TVP23A: variants seen among roughly 807,000 people sequenced by gnomAD.
TVP23A encodes Golgi apparatus membrane protein TVP23 homolog A.
Under a neutral mutation model 31.7 loss-of-function variants are expected in TVP23A, and 21 were observed. The ratio of observed to expected loss-of-function variants is 0.66; its 90% CI spans 0.47 to 0.95. The LOEUF is 0.95. TVP23A is among the 40% of genes least tolerant of loss of function. The pLI is 0.00. For synonymous variants in TVP23A, 104 were observed against 96.0 expected (o/e 1.08, Z -0.49); for missense variants, 279 against 255.6 (o/e 1.09, Z -0.62).
In TVP23A at chr16:10,768,108, GGACA is replaced by G; in HGVS notation, c.*990_*993del. 2 of 1,395,806 alleles carry G rather than the reference GGACA, an allele frequency of 1.4e-6. No homozygotes were observed. Among genetic ancestry groups the G allele is most frequent in the Non-Finnish European group, 2.0e-6 (2 of 989,880 alleles). 86.5% of individuals were successfully genotyped at this position (1,395,806 alleles called of 1,614,324 possible). ...ACATAAAGGAGCCAGGGGTGTGGAA[GGACA>G]GGTGGGTGGTGGGGTCTGTGATGAC... On this transcript the variant is annotated 3_prime_UTR_variant, in exon 8 of 8. Transcript: ENST00000299866. This position sits in a 1 kb window ranked among gnomAD's most constrained non-coding sequence, Gnocchi z 4.3.
chr16:10,818,105 G>C lies in TVP23A; in HGVS notation c.87C>G (p.Ile29Met). The C allele has an allele frequency of 1.2e-6, 2 of 1,607,422 alleles. No individual in the cohort carries two copies. Among genetic ancestry groups the C allele is most frequent in the Non-Finnish European group, 1.7e-6 (2 of 1,177,092 alleles). Residue 29 changes from isoleucine (I) to methionine (M), a missense_variant and splice_region_variant, in exon 2 of 8, where the codon ATC (isoleucine) becomes ATG (methionine). Coordinates refer to ENST00000299866, the MANE Select transcript of TVP23A (RefSeq NM_001079512.4). The surrounding 1 kb of genome is among the most constrained non-coding windows in gnomAD (Gnocchi z 4.7). ...EEELAFRKAK[I>M]RHPLATFFHL... is the part of the protein sequence containing the mutation. ...ACCCAAGCTCCATCCCAACACACCTGATCTTGGCTTTCCTAAAGGCCAGCT... is the reference window on the plus strand; with the variant it reads ...ACCCAAGCTCCATCCCAACACACCTCATCTTGGCTTTCCTAAAGGCCAGCT...
intron 2 of TVP23A, among the ~76,000 whole-genome samples, chr16:10,814,041 A>T (rs2034324087): frequency 6.8e-6 from 1 of 147,400 alleles, no homozygotes; most frequent in Admixed American, 6.9e-5. Context: ...TTCCCTTTCT[A>T]CACTGCAATC....
At chr16:10,764,085 C>G (rs144534388), downstream of TVP23A, among the ~76,000 whole-genome samples, 1,147 of 152,208 alleles carry the variant, frequency 7.5e-3, 7 homozygotes, top group Middle Eastern at 0.027. Context: ...CATCCCAGCC[C>G]AAGGGAGTAT....
intron 2 of TVP23A, among the ~76,000 whole-genome samples, chr16:10,792,595 G>A (rs1346541386): frequency 1.3e-5 from 2 of 152,232 alleles, no homozygotes; most frequent in Admixed American, 6.5e-5. Flanking sequence ...CAGCAACAAA[G>A]CAGAAAGGAC....
chr16:10,767,235 C>G lies in TVP23A; in HGVS notation c.*1867G>C, dbSNP rs553147345. 25 of 399,950 alleles carry G rather than the reference C, an allele frequency of 6.3e-5. No homozygotes were observed. Among genetic ancestry groups the G allele is most frequent in the African/African-American group, 4.9e-4 (24 of 48,772 alleles). 24.8% of individuals were successfully genotyped at this position (399,950 alleles called of 1,614,324 possible). On this transcript the variant is annotated 3_prime_UTR_variant, in exon 8 of 8. Transcript: ENST00000299866. The surrounding 1 kb of genome is among the most constrained non-coding windows in gnomAD (Gnocchi z 4.6). ...AGGGCAGACTGGAGGCGAGAACACC[C>G]CCATTGACCCCTAGCCCCTTGTGTC...
At chr16:10,760,509 G>T (rs1900872232), downstream of TVP23A, among the ~76,000 whole-genome samples, 2 of 152,236 alleles carry the variant, frequency 1.3e-5, no homozygotes, top group South Asian at 4.1e-4. Flanking sequence ...ACTCTGGGAG[G>T]CCGAGGCAGG....
At chr16:10,776,018 G>A (rs774547284) in intron 2 of TVP23A, among the ~76,000 whole-genome samples, 1 of 150,652 alleles carries the variant, frequency 6.6e-6, no homozygotes, top group Admixed American at 6.6e-5. Flanking sequence ...CAAAGTGCTG[G>A]GATTACAGGC....
rs912221954 is a variant in TVP23A at position 10,766,676 on chromosome 16, A to AAAGG, written c.*2422_*2425dup. 6.1e-6 allele frequency: 2 copies of AAAGG among 329,204 alleles called. No homozygotes were observed. Among genetic ancestry groups the AAAGG allele is most frequent in the African/African-American group, 2.1e-5 (1 of 46,720 alleles). 20.4% of individuals were successfully genotyped at this position (329,204 alleles called of 1,614,324 possible). A position where few individuals can be genotyped will look rare whatever the true frequency, so the allele number is the denominator to read the frequency against. On this transcript the variant is annotated 3_prime_UTR_variant, in exon 8 of 8. Coordinates refer to ENST00000299866, the MANE Select transcript of TVP23A (RefSeq NM_001079512.4). The surrounding 1 kb of genome is among the most constrained non-coding windows in gnomAD (Gnocchi z 4.8). ...AAAAAATTGGACAAAACGCACAAAGAAAGGAAGGAAGGAAGGGATTTATTG... is the reference window on the plus strand; with the variant it reads ...AAAAAATTGGACAAAACGCACAAAGAAAGGAAGGAAGGAAGGAAGGGATTTATTG...
intron 2 of TVP23A, among the ~76,000 whole-genome samples, chr16:10,788,230 G>A (rs991588481): frequency 2.0e-5 from 3 of 152,048 alleles, no homozygotes; most frequent in African/African-American, 7.2e-5. Context: ...CTGGAATCAA[G>A]AGAAAGGAGT....
chr16:10,804,296 ACT>A (rs2033843375), intron 2 of TVP23A, among the ~76,000 whole-genome samples: 1 of 152,092 alleles, frequency 6.6e-6, no homozygotes, highest in Admixed American at 6.6e-5. Context: ...TTTTCTCACC[ACT>A]GTTTTCAGGG....
Position 10,818,318 on chromosome 16 carries a change from C to T in TVP23A, c.10-136G>A. 1.5e-6 allele frequency: 2 copies of T among 1,341,112 alleles called. 1 individual carries two copies. Among genetic ancestry groups the T allele is most frequent in the South Asian group, 2.6e-5 (2 of 76,696 alleles). 83.1% of individuals were successfully genotyped at this position (1,341,112 alleles called of 1,614,324 possible). ...GTGGACCCTCCGAGCTGGCGGGGCC[C>T]CTCCGCTGCGGCTGCAGTGCAAAGC... is the stretch of plus-strand genomic sequence containing the variant. On this transcript the variant is annotated intron_variant, in intron 1 of 7. Transcript: ENST00000299866. The surrounding 1 kb of genome is among the most constrained non-coding windows in gnomAD (Gnocchi z 4.7).
chr16:10,792,344 C>A (rs987278080), intron 2 of TVP23A, among the ~76,000 whole-genome samples: 17 of 152,146 alleles, frequency 1.1e-4, no homozygotes, highest in Non-Finnish European at 7.3e-5. Flanking sequence ...GTTCAAGGAA[C>A]CCCCAGGTGC....
At chr16:10,803,760 T>TG (rs1312734339) in intron 2 of TVP23A, among the ~76,000 whole-genome samples, 3 of 152,070 alleles carry the variant, frequency 2.0e-5, no homozygotes, top group Admixed American at 2.0e-4. Context: ...CCATCAGGGC[T>TG]GGGTAGACAT....
chr16:10,789,665 T>TTA (rs1555483019), intron 2 of TVP23A, among the ~76,000 whole-genome samples: 2 of 55,396 alleles, frequency 3.6e-5, no homozygotes, highest in African/African-American at 1.4e-4. Context: ...CCATCTCTAC[T>TTA]AAAAAAAAAA....
downstream of TVP23A, among the ~76,000 whole-genome samples, chr16:10,758,197 A>G (rs1900698840): frequency 6.6e-6 from 1 of 152,188 alleles, no homozygotes; most frequent in Non-Finnish European, 1.5e-5. Flanking sequence ...TTCAGCCAGC[A>G]CAGTGATTCA....
At chr16:10,801,847 G>T (rs2033708807) in intron 2 of TVP23A, among the ~76,000 whole-genome samples, 1 of 152,048 alleles carries the variant, frequency 6.6e-6, no homozygotes, top group Non-Finnish European at 1.5e-5. Context: ...ATCGCACTCT[G>T]CTTACATAAG....
chr16:10,805,689 A>C (rs2033910673), intron 2 of TVP23A, among the ~76,000 whole-genome samples: 1 of 150,956 alleles, frequency 6.6e-6, no homozygotes, highest in African/African-American at 2.4e-5. Flanking sequence ...TTACTCTCTC[A>C]AGTTACTTTG....
chr16:10,779,045 G>A lies in TVP23A; in HGVS notation c.90-3949C>T, dbSNP rs981766914. The stretch of plus-strand genomic sequence containing the variant: ...GTAAAATGTGGAAGTAAATGCATTC[G>A]AATAAATCCCTTGCCCACCCGCTTC... On this transcript the variant is annotated intron_variant, in intron 2 of 7. Transcript: ENST00000299866. This position sits in a 1 kb window ranked among gnomAD's most constrained non-coding sequence, Gnocchi z 4.9. Among the ~76,000 whole-genome samples, 6 of 152,166 alleles carry A rather than the reference G, an allele frequency of 3.9e-5. No individual in the cohort carries two copies. Among genetic ancestry groups the A allele is most frequent in the Non-Finnish European group, 7.3e-5 (5 of 68,028 alleles).
chr16:10,816,360 G>C (rs556678236), intron 2 of TVP23A, among the ~76,000 whole-genome samples: 30 of 151,244 alleles, frequency 2.0e-4, no homozygotes, highest in Admixed American at 7.9e-4. Context: ...TTGAGACAGG[G>C]TCTCACTCTG....
Sources: allele counts gnomAD v4.1 joint callset (sites outside exome capture counted in the v4.1 genomes callset), GRCh38; gene constraint gnomAD v4.1.1; non-coding constraint Gnocchi (gnomAD v3.1); transcripts MANE v1.5; gene names NCBI Gene and HGNC (gene_info 2026-07-23, HGNC 2026-07-21).